Variants in GCNT2 observed in about 807,000 individuals in gnomAD.
The protein encoded by GCNT2 is glucosaminyl (N-acetyl) transferase 2 (I blood group), also known as N-acetyllactosaminide beta-1,6-N-acetylglucosaminyl-transferase.
Under a neutral mutation model 34.2 loss-of-function variants are expected in GCNT2, and 34 were observed. The ratio of observed to expected loss-of-function variants is 1.00; its 90% CI spans 0.76 to 1.32. The LOEUF (loss-of-function observed/expected upper bound fraction) is 1.32, where lower values mean the gene tolerates loss of function less well. Among genes scored for constraint, GCNT2 ranks in the 40% most tolerant of loss-of-function variants. The pLI is 0.00. For missense variants in GCNT2, 584 were observed against 489.4 expected, an observed-to-expected ratio of 1.19 and a Z score of -1.82; for synonymous variants, 212 against 188.0, an observed-to-expected ratio of 1.13 and a Z score of -1.04.
At chr6:10,546,059 C>T (rs567326010) in intron 3 of GCNT2, among the ~76,000 whole-genome samples, 18 of 152,300 alleles carry the variant, frequency 1.2e-4, no homozygotes, top group African/African-American at 3.9e-4. Context: ...ACGGCAGCCT[C>T]TTTTGCTGTT....
chr6:10,521,802 G>A (rs1156641405), intron 1 of GCNT2, among the ~76,000 whole-genome samples: 6 of 152,040 alleles, frequency 3.9e-5, no homozygotes, highest in Admixed American at 1.3e-4. Context: ...AAAGAACAAC[G>A]TTCACTTCAG....
chr6:10,535,281 C>G (rs1443465265), intron 3 of GCNT2, among the ~76,000 whole-genome samples: 3 of 152,148 alleles, frequency 2.0e-5, no homozygotes, highest in Non-Finnish European at 4.4e-5. Context: ...GGTGAAGGTG[C>G]CCATGAGGAG....
chr6:10,588,534 G>A (rs1362800024), intron 3 of GCNT2, among the ~76,000 whole-genome samples: 5 of 152,104 alleles, frequency 3.3e-5, no homozygotes, highest in South Asian at 2.1e-4. Flanking sequence ...AGTGTGAGCC[G>A]TTTCTCTTGC....
chr6:10,588,165 A>C (rs1331440074), intron 3 of GCNT2, among the ~76,000 whole-genome samples: 2 of 152,294 alleles, frequency 1.3e-5, no homozygotes, highest in East Asian at 3.9e-4. Context: ...AGACGAGAGA[A>C]TTATGCTGTC....
chr6:10,603,909 TG>T, intron 3 of GCNT2, among the ~76,000 whole-genome samples: 1 of 149,626 alleles, frequency 6.7e-6, no homozygotes, highest in Non-Finnish European at 1.5e-5. Context: ...TTTGTTTGTT[TG>T]TTTTGAGATG....
At chr6:10,586,589 C>G in intron 3 of GCNT2, 1 of 1,614,156 alleles carries the variant, frequency 6.2e-7, no homozygotes, top group Non-Finnish European at 8.5e-7. Context: ...TGAAAACCAA[C>G]CGGGAGATAG....
At chr6:10,545,002 G>T (rs943166892) in intron 3 of GCNT2, among the ~76,000 whole-genome samples, 2 of 151,652 alleles carry the variant, frequency 1.3e-5, no homozygotes, top group Non-Finnish European at 2.9e-5. Context: ...GAGAGCTGCT[G>T]GGAAAATAAA....
intron 3 of GCNT2, among the ~76,000 whole-genome samples, chr6:10,539,293 G>A (rs552746977): frequency 1.4e-5 from 2 of 147,762 alleles, no homozygotes; most frequent in Non-Finnish European, 1.5e-5. Context: ...GGGTTCAAGC[G>A]ATTCCCCTGC....
chr6:10,562,671 A>C (rs563149702), intron 3 of GCNT2, among the ~76,000 whole-genome samples: 68 of 151,452 alleles, frequency 4.5e-4, no homozygotes, highest in African/African-American at 5.8e-4. Flanking sequence ...AAAAAAAAAA[A>C]AAAAAACAAA....
intron 3 of GCNT2, among the ~76,000 whole-genome samples, chr6:10,576,823 C>T (rs968026505): frequency 5.3e-5 from 8 of 152,152 alleles, no homozygotes; most frequent in East Asian, 1.9e-4. Flanking sequence ...CCTGTAATCC[C>T]ATCACTTTAG....
rs1473660866 is a variant in GCNT2 at position 10,580,537 on chromosome 6, C to G, written c.926-40814C>G. Among the ~76,000 whole-genome samples, 4 of 151,514 alleles carry G rather than the reference C, an allele frequency of 2.6e-5. No individual in the cohort carries two copies. In the South Asian group the frequency reaches 8.3e-4, roughly 32 times the overall value. On this transcript the variant is annotated intron_variant, in intron 3 of 4. Transcript: ENST00000495262. ...AAAGAGTTTGAGGTTGCCAGCCAGG[C>G]ACAACTAAAGCCTTAGACACAGATG...
chr6:10,532,483 G>A (rs2113529922), intron 3 of GCNT2, among the ~76,000 whole-genome samples: 1 of 152,226 alleles, frequency 6.6e-6, no homozygotes, highest in South Asian at 2.1e-4. Flanking sequence ...AGGCTGGAGT[G>A]CAGTGGCACA....
chr6:10,626,134 T>C (rs1158308299), intron 4 of GCNT2, among the ~76,000 whole-genome samples: 1 of 152,216 alleles, frequency 6.6e-6, no homozygotes, highest in East Asian at 1.9e-4. Flanking sequence ...ATATTAATTT[T>C]GATATACACA....
At chr6:10,547,507 G>C (rs572344073) in intron 3 of GCNT2, among the ~76,000 whole-genome samples, 2 of 152,156 alleles carry the variant, frequency 1.3e-5, no homozygotes, top group Non-Finnish European at 2.9e-5. Context: ...TTAAATTTAG[G>C]TTATACCTTT....
chr6:10,577,549 TA>T (rs1329663463), intron 3 of GCNT2, among the ~76,000 whole-genome samples: 6 of 152,184 alleles, frequency 3.9e-5, no homozygotes, highest in Non-Finnish European at 7.3e-5. Context: ...TATTTTATTT[TA>T]TTTTTTTGAG....
chr6:10,577,130 G>A (rs1257663287), intron 3 of GCNT2, among the ~76,000 whole-genome samples: 1 of 152,246 alleles, frequency 6.6e-6, no homozygotes, highest in East Asian at 1.9e-4. Flanking sequence ...GGAGGCTGGT[G>A]AGAATTGGGC....
Position 10,529,427 on chromosome 6 carries a change from C to T in GCNT2, c.516C>T (p.Asn172=), listed in dbSNP as rs1452038643. 9.3e-6 allele frequency: 15 copies of T among 1,614,100 alleles called. No individual in the cohort carries two copies. Among genetic ancestry groups the T allele is most frequent in the Non-Finnish European group, 1.1e-5 (13 of 1,180,014 alleles). ...TCTCCAGGCTCCAGGCTGACCTGAA[C>T]TGCCTGGAAGACCTTGTGGCCTCTG... ...GGISRLQADL[N]CLEDLVASEV... Residue 172 remains asparagine (N), a synonymous_variant, in exon 3 of 5, where the codon AAC becomes AAT. Coordinates refer to ENST00000495262, the MANE Select transcript of GCNT2 (RefSeq NM_145649.5).
chr6:10,552,694 G>T (rs1384042345), intron 3 of GCNT2, among the ~76,000 whole-genome samples: 1 of 152,130 alleles, frequency 6.6e-6, no homozygotes, highest in Non-Finnish European at 1.5e-5. Context: ...AGAGGTCCTG[G>T]AACTCATCCC....
chr6:10,556,026 T>C (rs1045061401), intron 3 of GCNT2: 2 of 1,134,622 alleles, frequency 1.8e-6, no homozygotes, highest in Non-Finnish European at 2.2e-6. Flanking sequence ...ATTCCCTGAA[T>C]GGCAGTAACC....
Sources: allele counts gnomAD v4.1 joint callset (sites outside exome capture counted in the v4.1 genomes callset), GRCh38; gene constraint gnomAD v4.1.1; transcripts MANE v1.5; gene names NCBI Gene and HGNC (gene_info 2026-07-23, HGNC 2026-07-21).